Variants in STPG2 observed in about 807,000 individuals in gnomAD.
STPG2 encodes the protein sperm tail PG-rich repeat containing 2, also known as sperm-tail PG-rich repeat-containing protein 2.
In STPG2, 56 loss-of-function variants were observed where a neutral mutation model predicts 54.2. The ratio of observed to expected loss-of-function variants is 1.03; its 90% CI spans 0.83 to 1.29. STPG2 has a LOEUF of 1.29. Ranked by LOEUF, STPG2 falls within the 50% of genes most tolerant of loss-of-function variation. The probability of loss-of-function intolerance (pLI) is 0.00; values close to 1 mark genes in which losing one functional copy is unlikely to be tolerated. For synonymous variants in STPG2, 200 were observed against 181.8 expected, an observed-to-expected ratio of 1.10 and a Z score of -0.81; for missense variants, 596 against 544.9, an observed-to-expected ratio of 1.09 and a Z score of -0.93.
intron 8 of STPG2, among the ~76,000 whole-genome samples, chr4:97,876,009 TA>T (rs1478153673): frequency 6.6e-6 from 1 of 151,782 alleles, no homozygotes; most frequent in Non-Finnish European, 1.5e-5. Flanking sequence ...AAAATGAAAG[TA>T]AAAAGTTGAC....
chr4:97,795,074 G>C (rs960135160), intron 9 of STPG2, among the ~76,000 whole-genome samples: 5 of 151,866 alleles, frequency 3.3e-5, no homozygotes, highest in African/African-American at 1.2e-4. Context: ...ATGACTTTTT[G>C]TCATTTAGTT....
chr4:97,615,465 T>A (rs78396208), intron 10 of STPG2, among the ~76,000 whole-genome samples: 15,817 of 151,982 alleles, frequency 0.1, 960 homozygotes, highest in South Asian at 0.19. Flanking sequence ...ATTTTAAAAA[T>A]TTTTTAGAGA....
intron 5 of STPG2, among the ~76,000 whole-genome samples, chr4:98,004,223 C>G (rs947958874): frequency 1.3e-5 from 2 of 152,140 alleles, no homozygotes; most frequent in African/African-American, 4.8e-5. Flanking sequence ...TAATATTTCA[C>G]GTAAGTGAGA....
chr4:97,729,052 G>C (rs1341061329), intron 9 of STPG2, among the ~76,000 whole-genome samples: 1 of 76,292 alleles, frequency 1.3e-5, no homozygotes, highest in African/African-American at 4.1e-5. Flanking sequence ...TGATGACAAG[G>C]CCCCAAGAAT....
At chr4:97,493,639 T>C (rs1289561220) in intron 4 of STPG2, among the ~76,000 whole-genome samples, 1 of 151,578 alleles carries the variant, frequency 6.6e-6, no homozygotes, top group Non-Finnish European at 1.5e-5. Flanking sequence ...ATGTACTTAG[T>C]TCTGGCTAAG....
At chr4:97,588,077 T>C (rs1427167030) in intron 10 of STPG2, among the ~76,000 whole-genome samples, 1 of 151,908 alleles carries the variant, frequency 6.6e-6, no homozygotes, top group Non-Finnish European at 1.5e-5. Context: ...AGAAAGTATA[T>C]GTGTAAGAAG....
At chr4:97,998,447 C>T (rs1735311060) in intron 5 of STPG2, among the ~76,000 whole-genome samples, 1 of 152,056 alleles carries the variant, frequency 6.6e-6, no homozygotes, top group South Asian at 2.1e-4. Context: ...ATGAGTCACC[C>T]CAGCTGATAC....
At chr4:97,820,582 C>T (rs952284897) in intron 9 of STPG2, among the ~76,000 whole-genome samples, 1 of 152,134 alleles carries the variant, frequency 6.6e-6, no homozygotes, top group African/African-American at 2.4e-5. Context: ...AGTTGTTAAG[C>T]CATTCTTCCA....
intron 7 of STPG2, among the ~76,000 whole-genome samples, chr4:97,958,229 G>C (rs181804210): frequency 2.0e-5 from 3 of 152,018 alleles, no homozygotes; most frequent in Non-Finnish European, 2.9e-5. Context: ...AGAATTGCTT[G>C]AACCTGGGAG....
At chr4:97,985,949 AACACACAC>A (rs72477988) in intron 5 of STPG2, among the ~76,000 whole-genome samples, 13 of 144,416 alleles carry the variant, frequency 9.0e-5, no homozygotes, top group Admixed American at 1.4e-4. Context: ...AGCGCACACA[AACACACAC>A]ACACACACAC....
intron 8 of STPG2, among the ~76,000 whole-genome samples, chr4:97,901,203 G>A (rs1258069988): frequency 6.6e-6 from 1 of 151,800 alleles, no homozygotes; most frequent in African/African-American, 2.4e-5. Context: ...GAAAATAAAG[G>A]CCATGTATGA....
intron 9 of STPG2, among the ~76,000 whole-genome samples, chr4:97,770,871 T>C (rs1726196119): frequency 6.6e-6 from 1 of 152,170 alleles, no homozygotes; most frequent in Non-Finnish European, 1.5e-5. Context: ...AGGCAGTTGA[T>C]TTTTTAGAAG....
chr4:97,864,666 G>T (rs942683523), intron 8 of STPG2, among the ~76,000 whole-genome samples: 4 of 152,116 alleles, frequency 2.6e-5, no homozygotes, highest in African/African-American at 9.7e-5. Context: ...AAAGCTGGAG[G>T]CATCACACTA....
Position 97,962,910 on chromosome 4 carries a change from C to A in STPG2, c.933+9370G>T, listed in dbSNP as rs149471159. Among the ~76,000 whole-genome samples the A allele has an allele frequency of 7.3e-3, 1,113 of 152,268 alleles. 7 individuals are homozygous for A. The highest frequency in any genetic ancestry group is 0.013 in the Non-Finnish European group (870 of 68,030). On this transcript the variant is annotated intron_variant, in intron 7 of 10. Transcript: ENST00000295268. The stretch of plus-strand genomic sequence containing the variant: ...GTGTGGTGGCTCACGCCTATAATCC[C>A]AGCACTTTGGGAAGCTGAGGCAGGT...
chr4:97,963,757 A>C (rs1233534962), intron 7 of STPG2, among the ~76,000 whole-genome samples: 1 of 151,930 alleles, frequency 6.6e-6, no homozygotes, highest in Non-Finnish European at 1.5e-5. Flanking sequence ...ATTTATACTT[A>C]TATCGGACTA....
At chr4:97,979,936 G>A (rs1451211846) in intron 6 of STPG2, among the ~76,000 whole-genome samples, 2 of 151,882 alleles carry the variant, frequency 1.3e-5, no homozygotes, top group Non-Finnish European at 2.9e-5. Context: ...TGTTGGCCAG[G>A]ATGGTCTCGA....
chr4:98,142,925 G>A, intron 1 of STPG2, 117 bp downstream of exon 1: 1 of 848,234 alleles, frequency 1.2e-6, no homozygotes, highest in Admixed American at 2.0e-5. Context: ...TTCATGTTTT[G>A]TTATGTTTAC....
intron 5 of STPG2, among the ~76,000 whole-genome samples, chr4:97,989,238 T>C (rs1273364161): frequency 6.6e-6 from 1 of 152,176 alleles, no homozygotes; most frequent in Non-Finnish European, 1.5e-5. Flanking sequence ...TATATAAACC[T>C]GCAAAATATG....
chr4:97,919,198 C>G (rs1732000768), intron 8 of STPG2, among the ~76,000 whole-genome samples: 1 of 151,520 alleles, frequency 6.6e-6, no homozygotes. Flanking sequence ...GCTAATGTAG[C>G]ACATTAAGGA....
Sources: allele counts gnomAD v4.1 joint callset (sites outside exome capture counted in the v4.1 genomes callset), GRCh38; gene constraint gnomAD v4.1.1; transcripts MANE v1.5; gene names NCBI Gene and HGNC (gene_info 2026-07-23, HGNC 2026-07-21).